VWC2: variants seen among roughly 807,000 people sequenced by gnomAD.
VWC2 encodes the protein von Willebrand factor C domain containing 2.
A neutral mutation model predicts 29.8 loss-of-function variants in VWC2; 14 were observed. That is an observed-to-expected ratio of 0.47 (90% CI 0.31 to 0.74). The LOEUF (loss-of-function observed/expected upper bound fraction) is 0.74. Ranked by LOEUF, VWC2 falls within the 30% of genes least tolerant of loss-of-function variation. VWC2 has a pLI of 0.05. For missense variants in VWC2, 457 were observed against 459.8 expected, an observed-to-expected ratio of 0.99 and a Z score of 0.05; for synonymous variants, 213 against 199.0, an observed-to-expected ratio of 1.07 and a Z score of -0.59.
chr7:49,791,943 T>A (rs1214783402), intron 2 of VWC2, among the ~76,000 whole-genome samples: 3 of 152,214 alleles, frequency 2.0e-5, no homozygotes, highest in Non-Finnish European at 4.4e-5. Context: ...CTTGTTCTAC[T>A]TACTTGTGTC....
chr7:49,907,143 A>G (rs1347188276), intron 3 of VWC2, among the ~76,000 whole-genome samples: 1 of 152,196 alleles, frequency 6.6e-6, no homozygotes, highest in Non-Finnish European at 1.5e-5. Context: ...ATTAAGAAGT[A>G]TGTTACCTTT....
At chr7:49,783,414 C>T (rs1251448265) in intron 2 of VWC2, among the ~76,000 whole-genome samples, 1 of 152,024 alleles carries the variant, frequency 6.6e-6, no homozygotes, top group Non-Finnish European at 1.5e-5. Flanking sequence ...GAATCCTGGG[C>T]CAGATGTTCT....
At chr7:49,873,548 A>G (rs192553716) in intron 3 of VWC2, among the ~76,000 whole-genome samples, 1 of 152,362 alleles carries the variant, frequency 6.6e-6, no homozygotes, top group East Asian at 1.9e-4. Context: ...CTAGAGTGTA[A>G]AGAAATGATG....
intron 3 of VWC2, among the ~76,000 whole-genome samples, chr7:49,856,782 G>C (rs1190289782): frequency 6.6e-6 from 1 of 151,904 alleles, no homozygotes. Context: ...GGCCGAGGTG[G>C]GCGGATCACG....
At chr7:49,821,619 C>T (rs977137113) in intron 3 of VWC2, among the ~76,000 whole-genome samples, 2 of 151,248 alleles carry the variant, frequency 1.3e-5, no homozygotes, top group Non-Finnish European at 2.9e-5. Context: ...AAAACAATTC[C>T]GTAATTTTCA....
At chr7:49,866,460 G>A (rs550643065) in intron 3 of VWC2, among the ~76,000 whole-genome samples, 1 of 152,316 alleles carries the variant, frequency 6.6e-6, no homozygotes, top group Admixed American at 6.5e-5. Context: ...GCCAAACCCT[G>A]CAGGCAAGCC....
At chr7:49,892,211 A>AT (rs1460487254) in intron 3 of VWC2, among the ~76,000 whole-genome samples, 16 of 150,340 alleles carry the variant, frequency 1.1e-4, no homozygotes, top group South Asian at 6.4e-4. Flanking sequence ...CGCCCGGCTA[A>AT]TTTTTTTTGT....
At chr7:49,840,212 C>A (rs933509611) in intron 3 of VWC2, among the ~76,000 whole-genome samples, 1 of 152,140 alleles carries the variant, frequency 6.6e-6, no homozygotes, top group African/African-American at 2.4e-5. Flanking sequence ...TGTAGATGAA[C>A]AAATATGTTT....
At chr7:49,853,567 C>T (rs1790285310) in intron 3 of VWC2, among the ~76,000 whole-genome samples, 1 of 151,668 alleles carries the variant, frequency 6.6e-6, no homozygotes, top group Admixed American at 6.6e-5. Context: ...GACTATAAAC[C>T]CTATAATGAG....
intron 3 of VWC2, among the ~76,000 whole-genome samples, chr7:49,817,364 G>A (rs911488969): frequency 1.3e-5 from 2 of 152,198 alleles, no homozygotes; most frequent in Admixed American, 1.3e-4. Context: ...ACCATTACCA[G>A]AGGTAACTTG....
intron 3 of VWC2, among the ~76,000 whole-genome samples, chr7:49,895,011 T>TA (rs1227427676): frequency 4.6e-5 from 7 of 152,204 alleles, no homozygotes; most frequent in African/African-American, 1.7e-4. Context: ...GCCATTCTGA[T>TA]ACTATATGTC....
intron 3 of VWC2, among the ~76,000 whole-genome samples, chr7:49,823,597 T>C (rs892254759): frequency 6.6e-6 from 1 of 152,026 alleles, no homozygotes; most frequent in African/African-American, 2.4e-5. Flanking sequence ...CCCCCGGCAG[T>C]TGGGTATGTG....
chr7:49,864,079 G>T (rs1173137692), intron 3 of VWC2, among the ~76,000 whole-genome samples: 1 of 152,060 alleles, frequency 6.6e-6, no homozygotes, highest in African/African-American at 2.4e-5. Flanking sequence ...TGTTTTTGTT[G>T]TTGTTGTTGT....
At chr7:49,774,547 C>G (rs1369775887) in intron 1 of VWC2, among the ~76,000 whole-genome samples, 3 of 152,210 alleles carry the variant, frequency 2.0e-5, no homozygotes, top group Non-Finnish European at 4.4e-5. Flanking sequence ...CCCAGCCTCC[C>G]GCACTGCACA....
intron 3 of VWC2, among the ~76,000 whole-genome samples, chr7:49,817,702 T>C (rs1789178125): frequency 6.6e-6 from 1 of 152,194 alleles, no homozygotes; most frequent in Non-Finnish European, 1.5e-5. Flanking sequence ...TTCTGAAAAT[T>C]GCATCTCATC....
At chr7:49,921,982 G>C (rs1291375708), downstream of VWC2, 1 of 152,088 alleles carries the variant, frequency 6.6e-6, no homozygotes. Context: ...TCACATTTAA[G>C]ATAATCCTTT....
intron 3 of VWC2, among the ~76,000 whole-genome samples, chr7:49,880,388 G>T (rs1440089162): frequency 1.3e-5 from 2 of 151,722 alleles, no homozygotes; most frequent in South Asian, 2.1e-4. Flanking sequence ...TTTCTTTCAT[G>T]TTACCATGTT....
intron 3 of VWC2, among the ~76,000 whole-genome samples, chr7:49,825,947 G>A (rs568359759): frequency 6.6e-6 from 1 of 152,202 alleles, no homozygotes; most frequent in South Asian, 2.1e-4. Flanking sequence ...TTACTTCAGT[G>A]ATCCCCACCA....
chr7:49,800,156 A>T (rs1001872657), intron 2 of VWC2, among the ~76,000 whole-genome samples: 2 of 152,230 alleles, frequency 1.3e-5, no homozygotes, highest in African/African-American at 4.8e-5. Flanking sequence ...CATGGATTCA[A>T]TGAAATTTCA....
Sources: gnomAD v4.1 joint callset for allele counts (sites outside exome capture counted in the v4.1 genomes callset) on GRCh38, gnomAD v4.1.1 for gene constraint, MANE v1.5 for transcripts, NCBI Gene and HGNC (gene_info 2026-07-23, HGNC 2026-07-21) for gene names.